Variants in STX4 observed in about 807,000 individuals in gnomAD.
STX4 encodes syntaxin 4.
Under a neutral mutation model 41.8 loss-of-function variants are expected in STX4, and 24 were observed. The ratio of observed to expected loss-of-function variants is 0.57; its 90% confidence interval spans 0.42 to 0.81. The LOEUF (loss-of-function observed/expected upper bound fraction) is 0.81, where lower values mean the gene tolerates loss of function less well. Ranked by LOEUF, STX4 falls within the 30% of genes least tolerant of loss-of-function variation. The pLI, the probability that STX4 is intolerant of heterozygous loss-of-function variation, is 0.00. For synonymous variants in STX4, 158 were observed against 156.4 expected (o/e 1.01, Z -0.08); for missense variants, 316 against 389.9 (o/e 0.81, Z 1.60).
rs576863793 is a variant in STX4, at chr16:31,037,412, G to A, written c.379-514G>A. Among the ~76,000 whole-genome samples, 6 of 151,492 alleles carry A rather than the reference G, an allele frequency of 4.0e-5. No homozygotes were observed. In the South Asian group the frequency reaches 1.1e-3, roughly 27 times the overall value. On this transcript the variant is annotated intron_variant, in intron 5 of 10. Transcript: ENST00000313843. ...AAATAGGCCAGGTGCAGTGGCTCAC[G>A]CCTGTAATGGAGGCCGAGGCAGGTG... is the stretch of plus-strand genomic sequence containing the variant.
At position 31,034,276 on chromosome 16, in the gene STX4, G is replaced by T; in HGVS notation, c.183G>T (p.Glu61Asp). The T allele has an allele frequency of 1.2e-6, 2 of 1,614,212 alleles. No homozygotes were observed. Among genetic ancestry groups the T allele is most frequent in the Non-Finnish European group, 1.7e-6 (2 of 1,180,030 alleles). Residue 61 changes from glutamate to aspartate, a missense_variant, in exon 3 of 11, where the codon GAG becomes GAT. Glu to Asp is a conservative substitution (Grantham distance 45). Transcript: ENST00000313843. ...TCAAACTGGGGAATAAAGTCCAGGAGTTGGAGAAACAGCAGGTCACCATCC... is the reference window on the plus strand; with the variant it reads ...TCAAACTGGGGAATAAAGTCCAGGATTTGGAGAAACAGCAGGTCACCATCC... ...TIVKLGNKVQ[E>D]LEKQQVTILA...
intron 5 of STX4, 149 bp from the exon 6 acceptor site, chr16:31,037,777 G>A: frequency 1.5e-6 from 1 of 676,420 alleles, no homozygotes; most frequent in South Asian, 1.8e-5. Context: ...GAGAAATGGG[G>A]GAGCCTGTCA....
chr16:31,035,199 A>C (rs915380689), intron 5 of STX4, among the ~76,000 whole-genome samples, 159 bp downstream of exon 5: 2 of 152,218 alleles, frequency 1.3e-5, no homozygotes, highest in Non-Finnish European at 2.9e-5. Flanking sequence ...GAACTTGCTC[A>C]AGGTCAGGAA....
chr16:31,039,876 C>T lies in STX4; in HGVS notation c.*16-36C>T. 6.5e-7 allele frequency: 1 copy of T among 1,527,806 alleles called. No homozygotes were observed. Among genetic ancestry groups the T allele is most frequent in the Non-Finnish European group, 9.1e-7 (1 of 1,103,830 alleles). The allele number at this position is 1,527,806 out of a possible 1,614,324, so 94.6% of individuals were successfully genotyped here. The stretch of plus-strand genomic sequence containing the variant: ...CCAGCCCTGGCCCCAGCCCTCCCTC[C>T]TCCCTCAGACCCTGTTCTCCCTCCT... On this transcript the variant is annotated intron_variant, in intron 10 of 10. Coordinates refer to ENST00000313843, the MANE Select transcript of STX4 (RefSeq NM_004604.5). The surrounding 1 kb of genome is among the most constrained non-coding windows in gnomAD (Gnocchi z 4.1).
In STX4 at chr16:31,038,034, A is replaced by C. The variant is rs1567390313; in HGVS notation, c.487A>C (p.Thr163Pro). Residue 163 changes from threonine to proline, a missense_variant and splice_region_variant, in exon 6 of 11, where the codon ACC becomes CCC. Thr to Pro is a conservative substitution (Grantham distance 38). Transcript: ENST00000313843. ...GCGGATTCGGAGGCAGCTGAAGATC[A>C]GTGAGTTGTGCATGCCCAGCCTGGC... ...VERIRRQLKI[T>P]NAGMVSDEEL... 6.2e-7 allele frequency: 1 copy of C among 1,614,248 alleles called. No homozygotes were observed. The highest frequency in any genetic ancestry group is 8.5e-7 in the Non-Finnish European group (1 of 1,180,042).
chr16:31,034,977 G>T lies in STX4; in HGVS notation c.315G>T (p.Glu105Asp). 1 of 1,609,048 alleles carries T rather than the reference G, an allele frequency of 6.2e-7. No individual in the cohort carries two copies. The highest frequency in any genetic ancestry group is 1.7e-5 in the Admixed American group (1 of 59,036). ...REIRLQLKAI[E>D]PQKEEADENY... Reference sequence around the variant, plus strand: ...CCCTGTGTCTTCCCACAGCCATAGAGCCCCAGAAGGAGGAAGCTGATGAGA... The same window carrying T: ...CCCTGTGTCTTCCCACAGCCATAGATCCCCAGAAGGAGGAAGCTGATGAGA... Residue 105 changes from glutamate (E) to aspartate (D), a missense_variant, in exon 5 of 11, where the codon GAG (glutamate) becomes GAT (aspartate). Physicochemically the swap from Glu to Asp is conservative, Grantham distance 45 (BLOSUM62 2). Transcript: ENST00000313843.
Position 31,033,866 on chromosome 16 carries a change from G to T in STX4, c.30+31G>T. 1.4e-6 allele frequency: 2 copies of T among 1,452,934 alleles called. No individual in the cohort carries two copies. The highest frequency in any genetic ancestry group is 1.8e-6 in the Non-Finnish European group (2 of 1,099,644). 90.0% of individuals were successfully genotyped at this position (1,452,934 alleles called of 1,614,324 possible). On this transcript the variant is annotated intron_variant, in intron 1 of 10. Transcript: ENST00000313843. This position sits in a 1 kb window ranked among gnomAD's most constrained non-coding sequence, Gnocchi z 5.5. ...ACGCCAGGGCAGCGGGGATGGGGAC[G>T]GGCGGACGAACTGGAACGCAGGACT...
Position 31,038,178 on chromosome 16 carries a change from G to A in STX4, c.552G>A (p.Val184=), listed in dbSNP as rs758160227. The change falls in exon 7 of 11, where the codon GTG becomes GTA. Residue 184 remains valine (V), a synonymous_variant. Coordinates refer to ENST00000313843, the MANE Select transcript of STX4 (RefSeq NM_004604.5). ...EQMLDSGQSE[V]FVSNILKDTQ... ...TGCTGGACAGTGGGCAAAGCGAGGT[G>A]TTTGTGTCCAATGTGAGTGGCCACA... The A allele has an allele frequency of 1.8e-5, 29 of 1,614,100 alleles. No homozygotes were observed. The highest frequency in any genetic ancestry group is 2.5e-5 in the Non-Finnish European group (29 of 1,180,012).
In STX4 at chr16:31,037,986, G is replaced by A. The variant is rs376363400; in HGVS notation, c.439G>A (p.Glu147Lys). 1.1e-5 allele frequency: 18 copies of A among 1,614,038 alleles called. No individual in the cohort carries two copies. Among genetic ancestry groups the A allele is most frequent in the African/African-American group, 2.7e-5 (2 of 74,912 alleles). Residue 147 changes from glutamate to lysine, a missense_variant, in exon 6 of 11, where the codon GAA becomes AAA. Coordinates refer to ENST00000313843, the MANE Select transcript of STX4 (RefSeq NM_004604.5). ...CAACAAGTGCAATTCAATGCAGTCC[G>A]AATACCGGGAGAAGAACGTGGAGCG... is the stretch of plus-strand genomic sequence containing the variant. The part of the protein sequence containing the change: ...LINKCNSMQS[E>K]YREKNVERIR...
Position 31,040,087 on chromosome 16 carries a change from C to G in STX4, c.*191C>G. 3.8e-6 allele frequency: 2 copies of G among 528,898 alleles called. No homozygotes were observed. Among genetic ancestry groups the G allele is most frequent in the South Asian group, 4.3e-5 (2 of 47,016 alleles). 32.8% of individuals were successfully genotyped at this position (528,898 alleles called of 1,614,324 possible). ...TGGCCTCCTCCTTCAGGCCTCAATG[C>G]CTGGGGGAGGCCTGCACTGTCCTGA... On this transcript the variant is annotated 3_prime_UTR_variant, in exon 11 of 11. Transcript: ENST00000313843.
intron 8 of STX4, 39 bp downstream of exon 8, chr16:31,038,686 C>T (rs1356301224): frequency 6.2e-7 from 1 of 1,607,840 alleles, no homozygotes; most frequent in Admixed American, 1.7e-5. Context: ...AGACCAGGCT[C>T]AGTCCAAACT....
intron 7 of STX4, 98 bp downstream of exon 7, chr16:31,038,288 C>T: frequency 6.7e-7 from 1 of 1,492,560 alleles, no homozygotes; most frequent in Non-Finnish European, 9.2e-7. Context: ...CCTCCTGCCT[C>T]AGCCTCCCGA....
chr16:31,037,823 C>T, intron 5 of STX4, 103 bp from the exon 6 acceptor site: 1 of 1,146,322 alleles, frequency 8.7e-7, no homozygotes, highest in East Asian at 2.4e-5. Flanking sequence ...GCAGATCCCG[C>T]ATAAGAGCTC....
rs769080887 is a variant in STX4, at chr16:31,038,660, C to T, written c.702+13C>T. On this transcript the variant is annotated intron_variant, in intron 8 of 10. Transcript: ENST00000313843. ...AGTGGAGATGCAGGTGGGTGCCCCG[C>T]GCAGCCCCAGACGTGAGACCAGGCT... 18 of 1,612,790 alleles carry T rather than the reference C, an allele frequency of 1.1e-5. No homozygotes were observed. Among genetic ancestry groups the T allele is most frequent in the East Asian group, 6.7e-5 (3 of 44,840 alleles).
intron 5 of STX4, among the ~76,000 whole-genome samples, chr16:31,036,863 G>A (rs954468306): frequency 6.6e-6 from 1 of 152,050 alleles, no homozygotes; most frequent in Non-Finnish European, 1.5e-5. Flanking sequence ...GGGGTAAGGA[G>A]ACCAGTGTGG....
At chr16:31,037,054 A>ACAC (rs137987978) in intron 5 of STX4, among the ~76,000 whole-genome samples, 1 of 101,104 alleles carries the variant, frequency 9.9e-6, no homozygotes, top group Non-Finnish European at 2.1e-5. Context: ...ATATAGTGAG[A>ACAC]CCCCCCCCCC....
rs1484015188 is a variant in STX4 at position 31,033,688 on chromosome 16, G to T, written c.-118G>T. The T allele has an allele frequency of 6.9e-7, 1 of 1,446,868 alleles. No homozygotes were observed. Among genetic ancestry groups the T allele is most frequent in the South Asian group, 1.5e-5 (1 of 68,520 alleles). The allele number at this position is 1,446,868 out of a possible 1,614,324, so 89.6% of individuals were successfully genotyped here. On this transcript the variant is annotated 5_prime_UTR_variant, in exon 1 of 11. Transcript: ENST00000313843. This position sits in a 1 kb window ranked among gnomAD's most constrained non-coding sequence, Gnocchi z 5.5. ...AGGGACGGAGCCTCTGGCGGCTCGT[G>T]GGGGTGTTGGGGTCCGCAGGGGGAG...
rs1177838249 is a variant in STX4, at chr16:31,039,781, T to C, written c.872T>C (p.Ile291Thr). The change falls in exon 10 of 11, where the codon ATT becomes ACT. Residue 291 changes from isoleucine to threonine, a missense_variant. Transcript: ENST00000313843. The surrounding 1 kb of genome is among the most constrained non-coding windows in gnomAD (Gnocchi z 4.1). The part of the protein sequence containing the change: ...SITVVLLAVI[I>T]GVTVVG The stretch of plus-strand genomic sequence containing the variant: ...ACCGTCGTCCTCCTAGCAGTCATCA[T>C]TGGCGTCACAGTGGTTGGATAATGT... 1 of 1,614,238 alleles carries C rather than the reference T, an allele frequency of 6.2e-7. No homozygotes were observed. Among genetic ancestry groups the C allele is most frequent in the Non-Finnish European group, 8.5e-7 (1 of 1,180,032 alleles).
intron 5 of STX4, among the ~76,000 whole-genome samples, chr16:31,036,612 T>C (rs1375656717): frequency 6.6e-6 from 1 of 151,990 alleles, no homozygotes; most frequent in Non-Finnish European, 1.5e-5. Context: ...GTGTAGACAA[T>C]CACCATAATA....
Sources: allele counts gnomAD v4.1 joint callset (sites outside exome capture counted in the v4.1 genomes callset), GRCh38; gene constraint gnomAD v4.1.1; non-coding constraint Gnocchi (gnomAD v3.1); transcripts MANE v1.5; gene names NCBI Gene and HGNC (gene_info 2026-07-23, HGNC 2026-07-21).